Variants in ENO1 observed in about 807,000 individuals in gnomAD.
ENO1 encodes the protein alpha-enolase.
A neutral mutation model predicts 46.3 loss-of-function variants in ENO1; 33 were observed. The ratio of observed to expected loss-of-function variants is 0.71; its 90% CI spans 0.54 to 0.95. The LOEUF (loss-of-function observed/expected upper bound fraction) is 0.95, where lower values mean the gene tolerates loss of function less well. Ranked by LOEUF, ENO1 falls within the 40% of genes least tolerant of loss-of-function variation. ENO1 has a pLI of 0.00. For synonymous variants in ENO1, 220 were observed against 216.0 expected, an observed-to-expected ratio of 1.02 and a Z score of -0.16; for missense variants, 488 against 553.3, an observed-to-expected ratio of 0.88 and a Z score of 1.18.
chr1:8,867,788 C>T (rs1642553929), intron 5 of ENO1, among the ~76,000 whole-genome samples, 200 bp downstream of exon 5: 1 of 152,082 alleles, frequency 6.6e-6, no homozygotes, highest in Non-Finnish European at 1.5e-5. Flanking sequence ...CCTCAGCCTC[C>T]TAAAGTGTTG....
Position 8,878,600 on chromosome 1 carries a change from C to G in ENO1, c.-30G>C, listed in dbSNP as rs1421100325. 1 of 455,942 alleles carries G rather than the reference C, an allele frequency of 2.2e-6. No homozygotes were observed. Among genetic ancestry groups the G allele is most frequent in the Non-Finnish European group, 4.4e-6 (1 of 226,804 alleles). The allele number at this position is 455,942 out of a possible 1,614,324, so 28.2% of individuals were successfully genotyped here. A position where few individuals can be genotyped will look rare whatever the true frequency, so the allele number is the denominator to read the frequency against. ...ATTACCTAGCCACTGGGTCTCGTCG[C>G]CTAGGAGAGGAAGCGGAGGGTGCTG... On this transcript the variant is annotated 5_prime_UTR_variant, in exon 1 of 12. Coordinates refer to ENST00000234590, the MANE Select transcript of ENO1 (RefSeq NM_001428.5).
intron 2 of ENO1, among the ~76,000 whole-genome samples, chr1:8,872,209 GA>G (rs1441135462): frequency 6.6e-6 from 1 of 152,166 alleles, no homozygotes; most frequent in Non-Finnish European, 1.5e-5. Context: ...CTAGCAGAAA[GA>G]AAGTGTTCTA....
chr1:8,869,670 A>G (rs1314468008), intron 4 of ENO1, among the ~76,000 whole-genome samples: 4 of 152,092 alleles, frequency 2.6e-5, no homozygotes, highest in Non-Finnish European at 5.9e-5. Context: ...AGCGATTCTC[A>G]TGTCTCAGAC....
chr1:8,872,039 C>A lies in ENO1; in HGVS notation c.86-53G>T, dbSNP rs992120918. ...GCAATTCAGAAATCCAGTTCCAGCACAATCCCAAGTCCCCTCCCGCCCACA... is the reference window on the plus strand; with the variant it reads ...GCAATTCAGAAATCCAGTTCCAGCAAAATCCCAAGTCCCCTCCCGCCCACA... On this transcript the variant is annotated intron_variant, in intron 2 of 11. Coordinates refer to ENST00000234590, the MANE Select transcript of ENO1 (RefSeq NM_001428.5). The A allele has an allele frequency of 7.4e-6, 11 of 1,493,348 alleles. No homozygotes were observed. In the Admixed American group the frequency reaches 1.8e-4, roughly 25 times the overall value. 92.5% of individuals were successfully genotyped at this position (1,493,348 alleles called of 1,614,324 possible). A position where few individuals can be genotyped will look rare whatever the true frequency, so the allele number is the denominator to read the frequency against.
intron 11 of ENO1, 47 bp downstream of exon 11, chr1:8,862,840 C>T: frequency 6.2e-7 from 1 of 1,605,560 alleles, no homozygotes; most frequent in Non-Finnish European, 8.5e-7. Context: ...AGTGCAGGCC[C>T]CCACCTAGTG....
chr1:8,865,245 C>A (rs1557579854), intron 8 of ENO1, 40 bp downstream of exon 8: 6 of 1,606,488 alleles, frequency 3.7e-6, no homozygotes, highest in Non-Finnish European at 5.1e-6. Context: ...TGCTGCAGGT[C>A]AGTGGCAGGA....
intron 3 of ENO1, 76 bp downstream of exon 3, chr1:8,871,815 G>T: frequency 6.7e-7 from 1 of 1,501,408 alleles, no homozygotes; most frequent in Non-Finnish European, 9.2e-7. Context: ...GTGCCACCCA[G>T]AGAGGACAGG....
At chr1:8,870,855 A>G (rs553067829) in intron 3 of ENO1, 109 of 1,319,512 alleles carry the variant, frequency 8.3e-5, no homozygotes, top group Admixed American at 4.6e-4. Context: ...CCAGGAACTC[A>G]TTAATATACT....
At chr1:8,864,414 C>T (rs146031737) in intron 8 of ENO1, among the ~76,000 whole-genome samples, 12 of 152,352 alleles carry the variant, frequency 7.9e-5, no homozygotes, top group Admixed American at 4.6e-4. Flanking sequence ...GATCCTCCCA[C>T]CTCAGCTTCC....
chr1:8,861,725 G>A (rs1409232029), intron 11 of ENO1, among the ~76,000 whole-genome samples: 1 of 152,024 alleles, frequency 6.6e-6, no homozygotes, highest in East Asian at 1.9e-4. Context: ...GAGGAGCAAA[G>A]TAAAATGTCA....
chr1:8,871,959 C>T lies in ENO1; in HGVS notation c.113G>A (p.Gly38Asp). Reference sequence around the variant, plus strand: ...GGCCTCATAGATACCAGTTGAAGCACCACTGGGCACAGCAGCTCTGAAGAG... The same window carrying T: ...GGCCTCATAGATACCAGTTGAAGCATCACTGGGCACAGCAGCTCTGAAGAG... ...KGLFRAAVPS[G>D]ASTGIYEALE... Residue 38 changes from glycine (G) to aspartate (D), a missense_variant, in exon 3 of 12, where the codon GGT (glycine) becomes GAT (aspartate). Physicochemically the swap from Gly to Asp is moderately conservative, Grantham distance 94. Coordinates refer to ENST00000234590, the MANE Select transcript of ENO1 (RefSeq NM_001428.5). 6.2e-7 allele frequency: 1 copy of T among 1,614,160 alleles called. No homozygotes were observed. The highest frequency in any genetic ancestry group is 8.5e-7 in the Non-Finnish European group (1 of 1,180,010).
chr1:8,861,384 G>A lies in ENO1; in HGVS notation c.1281C>T (p.Asn427=), dbSNP rs1642398435. ...LGSKAKFAGR[N]FRNPLAK ...CTTACTTGGCCAAGGGGTTTCTGAA[G>A]TTCCTGCCGGCAAACTTAGCCTTGC... The change falls in exon 12 of 12, where the codon AAC becomes AAT. Residue 427 remains asparagine, a synonymous_variant. Coordinates refer to ENST00000234590, the MANE Select transcript of ENO1 (RefSeq NM_001428.5). 6.2e-7 allele frequency: 1 copy of A among 1,613,948 alleles called. No individual in the cohort carries two copies. Among genetic ancestry groups the A allele is most frequent in the Admixed American group, 1.7e-5 (1 of 60,004 alleles).
chr1:8,864,281 A>G (rs1226594764), intron 8 of ENO1, among the ~76,000 whole-genome samples, 189 bp from the exon 9 acceptor site: 1 of 152,122 alleles, frequency 6.6e-6, no homozygotes, highest in Non-Finnish European at 1.5e-5. Flanking sequence ...GCAGGGGACA[A>G]AAGTCACCCA....
chr1:8,866,313 G>T lies in ENO1; in HGVS notation c.633C>A (p.Gly211=). Residue 211 remains glycine (G), a synonymous_variant, in exon 7 of 12, where the codon GGC becomes GGA. Coordinates refer to ENST00000234590, the MANE Select transcript of ENO1 (RefSeq NM_001428.5). ...TCTCCAGGATGTTGGGAGCAAACCC[G>T]CCTTCATCCCCCACATTGGTGGCAT... ...GKDATNVGDE[G]GFAPNILENK... The T allele has an allele frequency of 6.2e-7, 1 of 1,614,012 alleles. No individual in the cohort carries two copies. Among genetic ancestry groups the T allele is most frequent in the Non-Finnish European group, 8.5e-7 (1 of 1,180,000 alleles).
Position 8,861,348 on chromosome 1 carries a change from C to T in ENO1, c.*12G>A, listed in dbSNP as rs1642397593. ...AGCCAACAGGTGACCGAAGGGCTTG[C>T]CTGCCCACAGCTTACTTGGCCAAGG... On this transcript the variant is annotated 3_prime_UTR_variant, in exon 12 of 12. Transcript: ENST00000234590. The T allele has an allele frequency of 6.2e-7, 1 of 1,613,330 alleles. No individual in the cohort carries two copies. Among genetic ancestry groups the T allele is most frequent in the South Asian group, 1.1e-5 (1 of 91,050 alleles).
chr1:8,871,504 C>A, intron 3 of ENO1: 12 of 1,026,238 alleles, frequency 1.2e-5, no homozygotes, highest in Non-Finnish European at 1.4e-5. Flanking sequence ...TCCTTTCTAG[C>A]CCGTGAAGAG....
intron 5 of ENO1, 76 bp downstream of exon 5, chr1:8,867,912 T>C: frequency 1.5e-6 from 2 of 1,313,106 alleles, no homozygotes; most frequent in Non-Finnish European, 2.2e-6. Context: ...ATCATGGGCC[T>C]CTTCCTGAAA....
rs770966365 is a variant in ENO1, at chr1:8,861,070, C to G, written c.*290G>C. On this transcript the variant is annotated 3_prime_UTR_variant, in exon 12 of 12. Transcript: ENST00000234590. ...CCGGGGATCTAGCCTGTGGCCACCCCGGAGATGACACGAGGCTCACATGAC... is the reference window on the plus strand; with the variant it reads ...CCGGGGATCTAGCCTGTGGCCACCCGGGAGATGACACGAGGCTCACATGAC... 76 of 366,636 alleles carry G rather than the reference C, an allele frequency of 2.1e-4. No homozygotes were observed. The highest frequency in any genetic ancestry group is 5.9e-4 in the Admixed American group (14 of 23,784). The allele number at this position is 366,636 out of a possible 1,614,324, so 22.7% of individuals were successfully genotyped here.
chr1:8,870,288 C>A, intron 4 of ENO1, 164 bp downstream of exon 4: 1 of 803,366 alleles, frequency 1.2e-6, no homozygotes. Context: ...AGGCAGCGGG[C>A]AGGTTAGAAT....
Sources: allele counts gnomAD v4.1 joint callset (sites outside exome capture counted in the v4.1 genomes callset), GRCh38; gene constraint gnomAD v4.1.1; transcripts MANE v1.5; gene names NCBI Gene and HGNC (gene_info 2026-07-23, HGNC 2026-07-21).